Variants in FAM120A observed in about 807,000 individuals in gnomAD.
The protein encoded by FAM120A is constitutive coactivator of PPAR-gamma-like protein 1.
In FAM120A, 15 loss-of-function variants were observed where a neutral mutation model predicts 109.7. The observed-to-expected ratio is 0.14, with a 90% CI of 0.09 to 0.21. The LOEUF (loss-of-function observed/expected upper bound fraction) is 0.21. Ranked by LOEUF, FAM120A falls within the 10% of genes least tolerant of loss-of-function variation. The pLI is 1.00. For synonymous variants in FAM120A, 493 were observed against 572.8 expected, an observed-to-expected ratio of 0.86 and a Z score of 1.99; for missense variants, 899 against 1,439.3, an observed-to-expected ratio of 0.62 and a Z score of 6.07.
intron 1 of FAM120A, among the ~76,000 whole-genome samples, chr9:93,468,716 A>C (rs1184563779): frequency 6.6e-6 from 1 of 152,102 alleles, no homozygotes; most frequent in Non-Finnish European, 1.5e-5. Context: ...GGCTGTGTCT[A>C]TCTCCGTAAT....
chr9:93,537,841 C>T (rs1418635172), intron 10 of FAM120A, among the ~76,000 whole-genome samples: 1 of 152,100 alleles, frequency 6.6e-6, no homozygotes, highest in Non-Finnish European at 1.5e-5. Context: ...TAAACATTTT[C>T]CCCATGATTT....
At chr9:93,502,081 C>A (rs1859826976) in intron 5 of FAM120A, among the ~76,000 whole-genome samples, 1 of 152,160 alleles carries the variant, frequency 6.6e-6, no homozygotes, top group South Asian at 2.1e-4. Context: ...CTTTGGTGAT[C>A]TGTCATAGAA....
intron 15 of FAM120A, among the ~76,000 whole-genome samples, chr9:93,559,539 T>G (rs549849590): frequency 1.3e-5 from 2 of 152,344 alleles, no homozygotes; most frequent in East Asian, 3.9e-4. Context: ...TGGCGACGGG[T>G]CAGCCCCTCT....
Position 93,451,879 on chromosome 9 carries a change from C to T in FAM120A, c.-37C>T. 8.3e-7 allele frequency: 1 copy of T among 1,200,382 alleles called. No individual in the cohort carries two copies. The highest frequency in any genetic ancestry group is 3.5e-5 in the South Asian group (1 of 28,408). The allele number at this position is 1,200,382 out of a possible 1,614,324, so 74.4% of individuals were successfully genotyped here. A position where few individuals can be genotyped will look rare whatever the true frequency, so the allele number is the denominator to read the frequency against. On this transcript the variant is annotated 5_prime_UTR_variant, in exon 1 of 18. Coordinates refer to ENST00000277165, the MANE Select transcript of FAM120A (RefSeq NM_014612.5). ...CCCCACCACCCCCGGCCCCGCCGCC[C>T]CCCGCCCGCACCCGCGCCCGCGCCC... is the stretch of plus-strand genomic sequence containing the variant.
chr9:93,543,137 G>A, intron 10 of FAM120A, 85 bp from the exon 11 acceptor site: 1 of 1,519,194 alleles, frequency 6.6e-7, no homozygotes, highest in Non-Finnish European at 8.9e-7. Flanking sequence ...CTTTAGACCA[G>A]TTACTAGAGC....
At position 93,452,606 on chromosome 9, in the gene FAM120A, G is replaced by C. The variant is rs1326264245; in HGVS notation, c.474+217G>C. Reference sequence around the variant, plus strand: ...AGCCCGTCTCCAGCTGTCCCTGTTCGGGGTCCGCGGCCGCGTGGGGACACT... The same window carrying C: ...AGCCCGTCTCCAGCTGTCCCTGTTCCGGGTCCGCGGCCGCGTGGGGACACT... On this transcript the variant is annotated intron_variant, in intron 1 of 17. Coordinates refer to ENST00000277165, the MANE Select transcript of FAM120A (RefSeq NM_014612.5). The surrounding 1 kb of genome is among the most constrained non-coding windows in gnomAD (Gnocchi z 7.0). 3 of 1,598,978 alleles carry C rather than the reference G, an allele frequency of 1.9e-6. No individual in the cohort carries two copies. Among genetic ancestry groups the C allele is most frequent in the Non-Finnish European group, 2.5e-6 (3 of 1,179,704 alleles).
rs1469749226 is a variant in FAM120A at position 93,500,157 on chromosome 9, G to A, written c.1030+1271G>A. On this transcript the variant is annotated intron_variant, in intron 5 of 17. Transcript: ENST00000277165. The surrounding 1 kb of genome is among the most constrained non-coding windows in gnomAD (Gnocchi z 4.6). ...CCTGCAATCCATTTTCTTCCCAGCA[G>A]CCAAAGTAATGTTTAAAAATGGCAG... Among the ~76,000 whole-genome samples, 1 of 152,212 alleles carries A rather than the reference G, an allele frequency of 6.6e-6. No individual in the cohort carries two copies. Among genetic ancestry groups the A allele is most frequent in the East Asian group, 1.9e-4 (1 of 5,196 alleles).
At chr9:93,467,466 G>T (rs1413325149) in intron 1 of FAM120A, among the ~76,000 whole-genome samples, 1 of 152,110 alleles carries the variant, frequency 6.6e-6, no homozygotes, top group Non-Finnish European at 1.5e-5. Flanking sequence ...TGTTGGGGAG[G>T]TTGTCCTGGC....
chr9:93,542,459 G>T (rs1861738289), intron 10 of FAM120A, among the ~76,000 whole-genome samples: 1 of 152,226 alleles, frequency 6.6e-6, no homozygotes, highest in Non-Finnish European at 1.5e-5. Flanking sequence ...GTGGGAAAAT[G>T]TGCATGTTTA....
At chr9:93,544,199 G>A (rs1861804139) in intron 11 of FAM120A, among the ~76,000 whole-genome samples, 1 of 152,196 alleles carries the variant, frequency 6.6e-6, no homozygotes, top group South Asian at 2.1e-4. Context: ...AGCTGTCTTA[G>A]GTTGGCCCGT....
chr9:93,514,917 T>C (rs1860501831), intron 5 of FAM120A, among the ~76,000 whole-genome samples: 1 of 152,232 alleles, frequency 6.6e-6, no homozygotes, highest in African/African-American at 2.4e-5. Flanking sequence ...CTGGCCTGGT[T>C]CCATGTCCTG....
At chr9:93,511,986 T>A (rs1860342608) in intron 5 of FAM120A, among the ~76,000 whole-genome samples, 1 of 152,238 alleles carries the variant, frequency 6.6e-6, no homozygotes, top group Non-Finnish European at 1.5e-5. Context: ...GAGACGGGCT[T>A]TCGCCATGTT....
intron 8 of FAM120A, 87 bp downstream of exon 8, chr9:93,527,329 A>C (rs562880065): frequency 1.5e-5 from 15 of 971,478 alleles, no homozygotes; most frequent in Middle Eastern, 2.1e-4. Flanking sequence ...GAAAAATAAT[A>C]TCTCTCTCTT....
chr9:93,471,478 G>A, intron 2 of FAM120A, 91 bp downstream of exon 2: 1 of 1,502,602 alleles, frequency 6.7e-7, no homozygotes, highest in South Asian at 1.2e-5. Context: ...TGAATGTTTT[G>A]GATATGTATC....
chr9:93,478,653 T>G (rs1858654367), intron 3 of FAM120A, among the ~76,000 whole-genome samples: 1 of 152,140 alleles, frequency 6.6e-6, no homozygotes, highest in South Asian at 2.1e-4. Context: ...TTTTTGTGTT[T>G]TTAGTAGAGG....
At chr9:93,547,679 C>T (rs1022314298) in intron 11 of FAM120A, among the ~76,000 whole-genome samples, 17 of 152,084 alleles carry the variant, frequency 1.1e-4, no homozygotes, top group Admixed American at 9.2e-4. Context: ...TGGAAAAGAA[C>T]ATGGAGAGAA....
intron 3 of FAM120A, 66 bp downstream of exon 3, chr9:93,476,404 T>TAGCA: frequency 2.7e-6 from 3 of 1,109,106 alleles, no homozygotes; most frequent in Non-Finnish European, 4.1e-6. Context: ...ATTACTTTAA[T>TAGCA]AACATGTTAG....
chr9:93,476,317 A>G lies in FAM120A; in HGVS notation c.783A>G (p.Glu261=), dbSNP rs1451401729. The G allele has an allele frequency of 1.4e-5, 22 of 1,606,740 alleles. No individual in the cohort carries two copies. The highest frequency in any genetic ancestry group is 1.6e-5 in the Non-Finnish European group (19 of 1,173,540). ...ASFHWSLLGP[E]HPLASLKVRA... is the part of the protein sequence containing the mutation. The stretch of plus-strand genomic sequence containing the variant: ...TTCACTGGAGTTTACTTGGTCCAGA[A>G]CATCCACTAGCCTCACTAAAGGTAC... The change falls in exon 3 of 18, where the codon GAA becomes GAG. Residue 261 remains glutamate, a synonymous_variant. Transcript: ENST00000277165.
chr9:93,535,447 C>T (rs1383568446), intron 10 of FAM120A, among the ~76,000 whole-genome samples: 1 of 152,166 alleles, frequency 6.6e-6, no homozygotes, highest in Non-Finnish European at 1.5e-5. Context: ...TTTGCCTAGA[C>T]AGTTAAGACC....
Sources: gnomAD v4.1 joint callset for allele counts (sites outside exome capture counted in the v4.1 genomes callset) on GRCh38, gnomAD v4.1.1 for gene constraint, Gnocchi (gnomAD v3.1) non-coding constraint, MANE v1.5 for transcripts, NCBI Gene and HGNC (gene_info 2026-07-23, HGNC 2026-07-21) for gene names.